Variants in MTOR observed in about 807,000 individuals in gnomAD.
The protein encoded by MTOR is serine/threonine-protein kinase mTOR.
In MTOR, 70 loss-of-function variants were observed where a neutral mutation model predicts 319.8. That is an observed-to-expected ratio of 0.22 (90% CI 0.18 to 0.27). MTOR has a LOEUF of 0.27. Ranked by LOEUF, MTOR falls within the 10% of genes least tolerant of loss-of-function variation. The pLI, the probability that MTOR is intolerant of heterozygous loss-of-function variation, is 1.00. For missense variants in MTOR, 1,890 were observed against 3,274.4 expected (o/e 0.58, Z 10.32); for synonymous variants, 1,183 against 1,211.4 (o/e 0.98, Z 0.49).
chr1:11,146,618 C>A, intron 32 of MTOR, 58 bp downstream of exon 32: 1 of 1,370,480 alleles, frequency 7.3e-7, no homozygotes, highest in Non-Finnish European at 1.0e-6. Flanking sequence ...GCACCGTGGG[C>A]TTAGAAGCAC....
intron 29 of MTOR, among the ~76,000 whole-genome samples, chr1:11,163,659 T>C (rs1190829525): frequency 6.6e-6 from 1 of 152,194 alleles, no homozygotes. Flanking sequence ...ACATGGAAAC[T>C]GAACAACCTG....
At position 11,232,502 on chromosome 1, in the gene MTOR, C is replaced by G. The variant is rs868581405; in HGVS notation, c.2448G>C (p.Trp816Cys). 1 of 1,613,828 alleles carries G rather than the reference C, an allele frequency of 6.2e-7. No individual in the cohort carries two copies. Among genetic ancestry groups the G allele is most frequent in the South Asian group, 1.1e-5 (1 of 91,076 alleles). The change falls in exon 16 of 58, where the codon TGG becomes TGC. Residue 816 changes from tryptophan (W) to cysteine (C), a missense_variant. Trp to Cys is a radical substitution (Grantham distance 215, BLOSUM62 -2). Coordinates refer to ENST00000361445, the MANE Select transcript of MTOR (RefSeq NM_004958.4). The part of the protein sequence containing the change: ...AQVSGLEMRK[W>C]VDELFIIIMD... ...TGATGATAATAAAAAGTTCATCAAC[C>G]CATTTCCTCATTTCCAGGCCACTAA...
chr1:11,180,781 GTTTT>G (rs60096418), intron 28 of MTOR, among the ~76,000 whole-genome samples: 3 of 142,124 alleles, frequency 2.1e-5, no homozygotes, highest in Admixed American at 7.0e-5. Context: ...AATAAGGCAG[GTTTT>G]TTTTTTTTTT....
chr1:11,196,796 G>C (rs886548488), intron 28 of MTOR, among the ~76,000 whole-genome samples: 2 of 151,376 alleles, frequency 1.3e-5, no homozygotes, highest in East Asian at 3.9e-4. Flanking sequence ...AGGTTGCAGT[G>C]AGCCAAGATT....
rs2100408021 is a variant in MTOR at position 11,127,714 on chromosome 1, C to T, written c.6126G>A (p.Arg2042=). The change falls in exon 44 of 58, where the codon AGG becomes AGA. Residue 2042 remains arginine, a synonymous_variant. Transcript: ENST00000361445. The surrounding 1 kb of genome is among the most constrained non-coding windows in gnomAD (Gnocchi z 5.5). ...EEASRLYFGE[R]NVKGMFEVLE... is the part of the protein sequence containing the mutation. ...GCACCTCAAACATGCCTTTCACGTT[C>T]CTTTCCCCAAAGTACAAACGAGATG... 3.7e-6 allele frequency: 6 copies of T among 1,614,154 alleles called. No homozygotes were observed. Among genetic ancestry groups the T allele is most frequent in the South Asian group, 1.1e-5 (1 of 91,088 alleles).
chr1:11,218,986 T>C (rs1646569604), intron 19 of MTOR, among the ~76,000 whole-genome samples: 2 of 151,620 alleles, frequency 1.3e-5, no homozygotes, highest in Admixed American at 1.3e-4. Flanking sequence ...GGTAGGCAGA[T>C]CACCCCGAGC....
Position 11,130,551 on chromosome 1 carries a change from G to C in MTOR, c.5591C>G (p.Pro1864Arg), listed in dbSNP as rs750903815. The change falls in exon 39 of 58, where the codon CCG (proline) becomes CGG (arginine). Residue 1864 changes from proline to arginine, a missense_variant. Physicochemically the swap from Pro to Arg is moderately radical, Grantham distance 103. Coordinates refer to ENST00000361445, the MANE Select transcript of MTOR (RefSeq NM_004958.4). Reference sequence around the variant, plus strand: ...TACCTCAGTGACCTTCTTCTGCAGCGGCGATGGGGTGGGGCTGTTCTCGGT... The same window carrying C: ...TACCTCAGTGACCTTCTTCTGCAGCCGCGATGGGGTGGGGCTGTTCTCGGT... ...ESTENSPTPSPLQKKVTEDLS... is the reference protein window; with the variant it reads ...ESTENSPTPSRLQKKVTEDLS... The C allele has an allele frequency of 6.2e-7, 1 of 1,613,266 alleles. No homozygotes were observed. Among genetic ancestry groups the C allele is most frequent in the Non-Finnish European group, 8.5e-7 (1 of 1,179,820 alleles).
Position 11,232,497 on chromosome 1 carries a change from T to C in MTOR, c.2453A>G (p.Asp818Gly). The C allele has an allele frequency of 6.2e-7, 1 of 1,613,948 alleles. No homozygotes were observed. Among genetic ancestry groups the C allele is most frequent in the East Asian group, 2.2e-5 (1 of 44,880 alleles). ...GTCCATGATGATAATAAAAAGTTCA[T>C]CAACCCATTTCCTCATTTCCAGGCC... ...VSGLEMRKWV[D>G]ELFIIIMDML... The change falls in exon 16 of 58, where the codon GAT becomes GGT. Residue 818 changes from aspartate to glycine, a missense_variant. Physicochemically the swap from Asp to Gly is moderately conservative, Grantham distance 94 (BLOSUM62 -1). Coordinates refer to ENST00000361445, the MANE Select transcript of MTOR (RefSeq NM_004958.4).
At chr1:11,172,750 T>C (rs976453465) in intron 28 of MTOR, among the ~76,000 whole-genome samples, 6 of 151,594 alleles carry the variant, frequency 4.0e-5, no homozygotes, top group African/African-American at 1.2e-4. Context: ...ACGCCTGTAA[T>C]TGCAGCTACT....
At chr1:11,193,379 C>T (rs1645627796) in intron 28 of MTOR, among the ~76,000 whole-genome samples, 1 of 152,110 alleles carries the variant, frequency 6.6e-6, no homozygotes, top group Admixed American at 6.5e-5. Context: ...GCCCAATTTG[C>T]ATCGTTCTTC....
In MTOR at chr1:11,129,190, T is replaced by C. The variant is rs572553255; in HGVS notation, c.5715-239A>G. 6.6e-6 allele frequency among the ~76,000 whole-genome samples: 1 copy of C among 152,298 alleles called. No homozygotes were observed. The highest frequency in any genetic ancestry group is 6.5e-5 in the Admixed American group (1 of 15,294). On this transcript the variant is annotated intron_variant, in intron 40 of 57. Transcript: ENST00000361445. This position sits in a 1 kb window ranked among gnomAD's most constrained non-coding sequence, Gnocchi z 4.7. ...ATCCCAGGTCACCGAGGGGTCACCA[T>C]GGCATGTATGCAAACATCAAACAGA...
At chr1:11,159,523 C>A (rs1436265542) in intron 29 of MTOR, among the ~76,000 whole-genome samples, 4 of 152,042 alleles carry the variant, frequency 2.6e-5, no homozygotes, top group African/African-American at 9.7e-5. Flanking sequence ...TGCCTGTAAT[C>A]CCAGCTTCTT....
chr1:11,211,942 T>C (rs547929861), intron 23 of MTOR, among the ~76,000 whole-genome samples: 21 of 152,224 alleles, frequency 1.4e-4, no homozygotes, highest in Admixed American at 3.3e-4. Context: ...CAGGCCTTTA[T>C]TTTATCTAGG....
chr1:11,148,132 G>C (rs1202919373), intron 31 of MTOR, among the ~76,000 whole-genome samples: 2 of 152,048 alleles, frequency 1.3e-5, no homozygotes, highest in Non-Finnish European at 2.9e-5. Flanking sequence ...ACTCCTGCTT[G>C]GGATAAAAAC....
chr1:11,159,154 A>T (rs991153182), intron 29 of MTOR, among the ~76,000 whole-genome samples: 3 of 152,174 alleles, frequency 2.0e-5, no homozygotes, highest in African/African-American at 7.2e-5. Flanking sequence ...TCCTTGTCTC[A>T]ATCAGCACTT....
Position 11,247,724 on chromosome 1 carries a change from A to G in MTOR, c.1126T>C (p.Trp376Arg). 2 of 1,614,182 alleles carry G rather than the reference A, an allele frequency of 1.2e-6. No individual in the cohort carries two copies. Among genetic ancestry groups the G allele is most frequent in the Non-Finnish European group, 1.7e-6 (2 of 1,180,048 alleles). Reference protein sequence around the residue: ...MEEKFDQVCQWVLKCRNSKNS... With the variant: ...MEEKFDQVCQRVLKCRNSKNS... ...TTGCTATTCCTGCATTTCAGCACCC[A>G]CTGGCACACCTGAGAGAGGAAGGAT... is the stretch of plus-strand genomic sequence containing the variant. Residue 376 changes from tryptophan to arginine, a missense_variant, in exon 8 of 58, where the codon TGG becomes CGG. Around this residue, in one of 15 missense-constraint regions of MTOR, gnomAD observed 418 missense variants for 543.1 expected, o/e 0.77. Transcript: ENST00000361445.
chr1:11,146,844 A>G (rs1643946354), intron 31 of MTOR, 53 bp from the exon 32 acceptor site: 1 of 1,275,822 alleles, frequency 7.8e-7, no homozygotes. Flanking sequence ...TGGTTGGGCT[A>G]AAGGCAGCAT....
At chr1:11,246,052 A>C (rs1039670970) in intron 8 of MTOR, among the ~76,000 whole-genome samples, 5 of 152,194 alleles carry the variant, frequency 3.3e-5, no homozygotes, top group African/African-American at 1.2e-4. Flanking sequence ...TTAAGCAATA[A>C]CTTCCAAACT....
chr1:11,236,960 T>G (rs1166375305), intron 13 of MTOR, among the ~76,000 whole-genome samples: 1 of 152,258 alleles, frequency 6.6e-6, no homozygotes. Context: ...ATTTGTTGAC[T>G]GATGATATAA....
Sources: gnomAD v4.1 joint callset for allele counts (sites outside exome capture counted in the v4.1 genomes callset) on GRCh38, gnomAD v4.1.1 for gene constraint, gnomAD v4.1.1 regional missense constraint, Gnocchi (gnomAD v3.1) non-coding constraint, MANE v1.5 for transcripts, NCBI Gene and HGNC (gene_info 2026-07-23, HGNC 2026-07-21) for gene names.